KIRREL3: variants seen among roughly 807,000 people sequenced by gnomAD.
KIRREL3 encodes kirre like nephrin family adhesion molecule 3.
KIRREL3 carries 36 observed loss-of-function variants against 89.7 expected under a neutral mutation model. The ratio of observed to expected loss-of-function variants is 0.40; its 90% CI spans 0.31 to 0.53. The LOEUF (loss-of-function observed/expected upper bound fraction) is 0.53. Ranked by LOEUF, KIRREL3 falls within the 20% of genes least tolerant of loss-of-function variation. The pLI is 0.49. For synonymous variants in KIRREL3, 445 were observed against 441.4 expected (o/e 1.01, Z -0.10); for missense variants, 864 against 1,056.6 (o/e 0.82, Z 2.53).
At position 126,436,863 on chromosome 11, in the gene KIRREL3, C is replaced by T. The variant is rs186782738; in HGVS notation, c.1500G>A (p.Thr500=). The T allele has an allele frequency of 3.9e-5, 63 of 1,613,636 alleles. No homozygotes were observed. Among genetic ancestry groups the T allele is most frequent in the Middle Eastern group, 3.4e-4 (2 of 5,874 alleles). Residue 500 remains threonine, a synonymous_variant, in exon 12 of 17, where the codon ACG becomes ACA. Transcript: ENST00000525144. ...TGTCGGAGCCGAAGCTGTTCCAGGC[C>T]GTGCAGTTGTAGATGGTCTGGAAGT... The part of the protein sequence containing the change: ...RADFQTIYNC[T]AWNSFGSDTE...
chr11:126,886,220 G>A (rs1484081724), intron 1 of KIRREL3, among the ~76,000 whole-genome samples: 1 of 152,200 alleles, frequency 6.6e-6, no homozygotes, highest in African/African-American at 2.4e-5. Flanking sequence ...AATGTTGGGA[G>A]ATAGCCCTGA....
rs1460076441 is a variant in KIRREL3, at chr11:126,773,940, T to TA, written c.56-211029dup. Among the ~76,000 whole-genome samples, 4 of 152,292 alleles carry TA rather than the reference T, an allele frequency of 2.6e-5. No individual in the cohort carries two copies. Among genetic ancestry groups the TA allele is most frequent in the Middle Eastern group, 3.4e-3 (1 of 294 alleles). On this transcript the variant is annotated intron_variant, in intron 1 of 16. Transcript: ENST00000525144. This position sits in a 1 kb window ranked among gnomAD's most constrained non-coding sequence, Gnocchi z 4.2. ...CACTTGTCCACTCTTAACTCTTTTT[T>TA]ACTATTGAATATCTTATCAAATAGG...
chr11:126,473,583 A>G, intron 4 of KIRREL3, 117 bp from the exon 5 acceptor site: 1 of 838,410 alleles, frequency 1.2e-6, no homozygotes, highest in Non-Finnish European at 1.8e-6. Flanking sequence ...ACATTAATAA[A>G]ACGCATCGTC....
chr11:126,579,585 G>A lies in KIRREL3; in HGVS notation c.56-16673C>T, dbSNP rs1041939684. Among the ~76,000 whole-genome samples, 4 of 151,142 alleles carry A rather than the reference G, an allele frequency of 2.6e-5. No individual in the cohort carries two copies. In the Admixed American group the frequency reaches 2.7e-4, roughly 10 times the overall value. ...GGGGAGACAGAGAGTGAGAAAAGGG[G>A]CAGAAAAAACAGGGCAGGGTACAAA... On this transcript the variant is annotated intron_variant, in intron 1 of 16. Transcript: ENST00000525144. This position sits in a 1 kb window ranked among gnomAD's most constrained non-coding sequence, Gnocchi z 5.3.
intron 2 of KIRREL3, among the ~76,000 whole-genome samples, chr11:126,540,924 ATG>A (rs1481803951): frequency 6.6e-6 from 1 of 152,142 alleles, no homozygotes; most frequent in African/African-American, 2.4e-5. Flanking sequence ...TCTGACTGGA[ATG>A]TGCCCTCACT....
At position 126,476,047 on chromosome 11, in the gene KIRREL3, G is replaced by A. The variant is rs1014367489; in HGVS notation, c.434-2581C>T. 3.9e-5 allele frequency among the ~76,000 whole-genome samples: 6 copies of A among 152,208 alleles called. No individual in the cohort carries two copies. The highest frequency in any genetic ancestry group is 1.4e-4 in the African/African-American group (6 of 41,442). On this transcript the variant is annotated intron_variant, in intron 4 of 16. Transcript: ENST00000525144. The surrounding 1 kb of genome is among the most constrained non-coding windows in gnomAD (Gnocchi z 6.4). The stretch of plus-strand genomic sequence containing the variant: ...ACTGTGGAAAGTGCCTGAGAGCAGA[G>A]GGTGGAGCAGGAAGCCCCTTCTCTC...
chr11:126,949,022 T>G (rs1948700606), intron 1 of KIRREL3, among the ~76,000 whole-genome samples: 1 of 152,254 alleles, frequency 6.6e-6, no homozygotes, highest in South Asian at 2.1e-4. Flanking sequence ...TGGCTTTTTA[T>G]ATTAATGTTT....
In KIRREL3 at chr11:126,449,494, T is replaced by C. The variant is rs1955945234; in HGVS notation, c.849-337A>G. On this transcript the variant is annotated intron_variant, in intron 7 of 16. Transcript: ENST00000525144. ...GGCTAGACGATGGAAAATCCAACTG[T>C]CAGTGGGCAGACAGCTCGCTGTCCT... 3.3e-5 allele frequency among the ~76,000 whole-genome samples: 5 copies of C among 152,174 alleles called. No homozygotes were observed. The South Asian group carries it at 6.2e-4, about 19-fold the overall frequency.
chr11:126,672,051 A>G (rs115328246), intron 1 of KIRREL3, among the ~76,000 whole-genome samples: 57 of 152,368 alleles, frequency 3.7e-4, no homozygotes, highest in African/African-American at 1.3e-3. Flanking sequence ...GAATGGGTTA[A>G]TAAACTTGGG....
At position 126,682,927 on chromosome 11, in the gene KIRREL3, A is replaced by G. The variant is rs544758719; in HGVS notation, c.56-120015T>C. Among the ~76,000 whole-genome samples the G allele has an allele frequency of 1.4e-4, 22 of 152,280 alleles. No homozygotes were observed. Among genetic ancestry groups the G allele is most frequent in the African/African-American group, 5.1e-4 (21 of 41,562 alleles). ...GTAAAGTAATTCACCCTAAGATGCC[A>G]TTAAATTACTATGACCTCCTGGGCT... On this transcript the variant is annotated intron_variant, in intron 1 of 16. Coordinates refer to ENST00000525144, the MANE Select transcript of KIRREL3 (RefSeq NM_032531.4). The surrounding 1 kb of genome is among the most constrained non-coding windows in gnomAD (Gnocchi z 4.8).
intron 4 of KIRREL3, among the ~76,000 whole-genome samples, chr11:126,500,425 G>A (rs1341506557): frequency 3.3e-5 from 5 of 152,166 alleles, no homozygotes; most frequent in African/African-American, 4.8e-5. Flanking sequence ...GGCTACAAGC[G>A]ACTCACATTA....
At chr11:126,473,055 CT>C (rs1360459031) in intron 5 of KIRREL3, among the ~76,000 whole-genome samples, 24 of 5,712 alleles carry the variant, frequency 4.2e-3, no homozygotes, top group East Asian at 0.014. Flanking sequence ...CCCAGCCCCT[CT>C]CCCCAGCCCC....
chr11:126,509,890 C>A (rs1347740744), intron 4 of KIRREL3, among the ~76,000 whole-genome samples: 1 of 144,874 alleles, frequency 6.9e-6, no homozygotes, highest in Non-Finnish European at 1.5e-5. Context: ...CCAGGAGATT[C>A]GCAGGAGAAT....
At chr11:126,506,050 C>T (rs567501820) in intron 4 of KIRREL3, among the ~76,000 whole-genome samples, 51 of 152,186 alleles carry the variant, frequency 3.4e-4, no homozygotes, top group Non-Finnish European at 3.7e-4. Context: ...CAAATGATGT[C>T]GGAACAATTG....
intron 7 of KIRREL3, among the ~76,000 whole-genome samples, chr11:126,452,306 T>G (rs1043650839): frequency 1.3e-5 from 2 of 152,252 alleles, no homozygotes; most frequent in Non-Finnish European, 2.9e-5. Flanking sequence ...ATGACCAGAC[T>G]TAAAAGAGTC....
rs1387040835 is a variant in KIRREL3, at chr11:126,976,395, T to A, written c.55+24060A>T. On this transcript the variant is annotated intron_variant, in intron 1 of 16. Transcript: ENST00000525144. This position sits in a 1 kb window ranked among gnomAD's most constrained non-coding sequence, Gnocchi z 4.2. ...TTATTTTCTGAGTGTTTATGAACCG[T>A]TACATTAATCTCCTGCAGATTTTTT... Among the ~76,000 whole-genome samples the A allele has an allele frequency of 1.1e-4, 16 of 152,230 alleles. No homozygotes were observed. The highest frequency in any genetic ancestry group is 2.9e-5 in the Non-Finnish European group (2 of 68,028).
intron 7 of KIRREL3, among the ~76,000 whole-genome samples, chr11:126,450,417 G>C (rs528676255): frequency 6.6e-6 from 1 of 151,662 alleles, no homozygotes; most frequent in East Asian, 1.9e-4. Flanking sequence ...GTGCATGTGT[G>C]AGTGGGCATG....
chr11:126,453,950 G>A (rs1335402633), intron 7 of KIRREL3, among the ~76,000 whole-genome samples: 1 of 152,150 alleles, frequency 6.6e-6, no homozygotes, highest in Non-Finnish European at 1.5e-5. Flanking sequence ...AGGGGAGTAC[G>A]AAAGGGAGGA....
chr11:126,625,156 G>C (rs995845448), intron 1 of KIRREL3, among the ~76,000 whole-genome samples: 1 of 152,124 alleles, frequency 6.6e-6, no homozygotes, highest in African/African-American at 2.4e-5. Flanking sequence ...TACTTGATCT[G>C]AGCATGTGAC....
Sources: allele counts gnomAD v4.1 joint callset (sites outside exome capture counted in the v4.1 genomes callset), GRCh38; gene constraint gnomAD v4.1.1; non-coding constraint Gnocchi (gnomAD v3.1); transcripts MANE v1.5; gene names NCBI Gene and HGNC (gene_info 2026-07-23, HGNC 2026-07-21).